The following SYT1 variants were observed in gnomAD, a reference collection of about 807,000 sequenced individuals.
The protein encoded by SYT1 is synaptotagmin 1, also known as synaptotagmin-1.
Under a neutral mutation model 44.8 loss-of-function variants are expected in SYT1, and 8 were observed. That is an observed-to-expected ratio of 0.18 (90% CI 0.10 to 0.32). The LOEUF (loss-of-function observed/expected upper bound fraction) is 0.32. Among genes scored for constraint, SYT1 ranks in the 10% least tolerant of loss-of-function variants. The pLI, the probability that SYT1 is intolerant of heterozygous loss-of-function variation, is 1.00. For missense variants in SYT1, 286 were observed against 509.3 expected (o/e 0.56, Z 4.22); for synonymous variants, 154 against 188.8 (o/e 0.82, Z 1.51).
intron 2 of SYT1, among the ~76,000 whole-genome samples, chr12:79,021,928 T>C (rs543412618): frequency 2.6e-4 from 39 of 151,838 alleles, no homozygotes; most frequent in African/African-American, 9.2e-4. Flanking sequence ...TTCAAATCTA[T>C]TATTTTTGTC....
chr12:79,012,917 C>T (rs866543009), intron 2 of SYT1, among the ~76,000 whole-genome samples: 57 of 152,094 alleles, frequency 3.7e-4, no homozygotes, highest in African/African-American at 4.8e-4. Flanking sequence ...CCAGATGCAT[C>T]CACCCTCTTT....
At chr12:79,014,370 C>T (rs889368241) in intron 2 of SYT1, among the ~76,000 whole-genome samples, 4 of 152,010 alleles carry the variant, frequency 2.6e-5, no homozygotes, top group African/African-American at 9.7e-5. Context: ...TTAACCATTC[C>T]ATATCATGCC....
intron 3 of SYT1, among the ~76,000 whole-genome samples, chr12:79,060,742 A>G (rs555976750): frequency 7.2e-4 from 110 of 152,224 alleles, no homozygotes; most frequent in African/African-American, 2.6e-3. Context: ...AGTTGTCCAA[A>G]ATGAAATCTT....
intron 2 of SYT1, among the ~76,000 whole-genome samples, chr12:79,044,799 G>C (rs892066196): frequency 1.3e-5 from 2 of 149,708 alleles, no homozygotes; most frequent in African/African-American, 4.9e-5. Context: ...TGTACAGATG[G>C]GTTTTTGGTG....
At chr12:79,253,110 T>A (rs930575677) in intron 4 of SYT1, among the ~76,000 whole-genome samples, 3 of 152,122 alleles carry the variant, frequency 2.0e-5, no homozygotes, top group Admixed American at 1.3e-4. Context: ...AAATCTTATA[T>A]CCAACCCTAG....
intron 4 of SYT1, among the ~76,000 whole-genome samples, chr12:79,266,150 T>G (rs1473688608): frequency 6.6e-6 from 1 of 152,196 alleles, no homozygotes; most frequent in African/African-American, 2.4e-5. Context: ...AAACATTTTC[T>G]AAAGACTTAG....
At chr12:79,073,356 A>G (rs976532815) in intron 3 of SYT1, among the ~76,000 whole-genome samples, 3 of 152,162 alleles carry the variant, frequency 2.0e-5, no homozygotes, top group Non-Finnish European at 4.4e-5. Context: ...CCATCAAACC[A>G]TCTTAACAGG....
intron 9 of SYT1, among the ~76,000 whole-genome samples, chr12:79,406,476 G>T (rs551434189): frequency 3.9e-5 from 6 of 152,080 alleles, no homozygotes; most frequent in Non-Finnish European, 7.4e-5. Context: ...AGCCCAAAAG[G>T]GTTTGAAGAG....
At chr12:78,997,458 A>G (rs538796940) in intron 2 of SYT1, among the ~76,000 whole-genome samples, 262 of 152,310 alleles carry the variant, frequency 1.7e-3, no homozygotes, top group African/African-American at 5.7e-3. Context: ...TAGATATTAA[A>G]TAATTATGCC....
Position 78,904,361 on chromosome 12 carries a change from G to T in SYT1, c.-217+39252G>T, listed in dbSNP as rs559540928. On this transcript the variant is annotated intron_variant, in intron 1 of 10. Coordinates refer to ENST00000261205, the MANE Select transcript of SYT1 (RefSeq NM_005639.3). ...TACATTGAAGAGAGACACTATTAAC[G>T]TGTAAAAATATAAAATTTGAATTTT... 2.6e-5 allele frequency among the ~76,000 whole-genome samples: 4 copies of T among 152,066 alleles called. No individual in the cohort carries two copies. In the South Asian group the frequency reaches 8.3e-4, roughly 32 times the overall value.
At chr12:79,350,698 GC>G (rs898980187) in intron 8 of SYT1, among the ~76,000 whole-genome samples, 30 of 152,126 alleles carry the variant, frequency 2.0e-4, no homozygotes, top group African/African-American at 7.2e-4. Flanking sequence ...AAAGAAAGCT[GC>G]CCTAATTTTC....
At chr12:79,293,077 C>T (rs1329556803) in intron 6 of SYT1, among the ~76,000 whole-genome samples, 1 of 151,246 alleles carries the variant, frequency 6.6e-6, no homozygotes, top group African/African-American at 2.4e-5. Flanking sequence ...CTTTGGGAGG[C>T]CAAGGCAGGC....
intron 4 of SYT1, among the ~76,000 whole-genome samples, chr12:79,263,838 A>G (rs974791475): frequency 2.0e-5 from 3 of 152,046 alleles, no homozygotes; most frequent in Non-Finnish European, 2.9e-5. Context: ...AAAAGAAAAC[A>G]TGGGCTCTTA....
intron 2 of SYT1, among the ~76,000 whole-genome samples, chr12:79,021,120 C>T (rs1872161223): frequency 6.6e-6 from 1 of 151,874 alleles, no homozygotes; most frequent in South Asian, 2.1e-4. Flanking sequence ...TGAAGCAAAG[C>T]TCCATTCAGC....
chr12:79,268,608 CA>C (rs1376827372), intron 4 of SYT1, among the ~76,000 whole-genome samples: 1 of 152,218 alleles, frequency 6.6e-6, no homozygotes, highest in Non-Finnish European at 1.5e-5. Flanking sequence ...TGACCCAAGT[CA>C]ATGGCTTGGA....
intron 1 of SYT1, among the ~76,000 whole-genome samples, chr12:78,944,754 TA>T (rs1280720874): frequency 6.6e-6 from 1 of 152,166 alleles, no homozygotes; most frequent in Non-Finnish European, 1.5e-5. Flanking sequence ...ATTATTCCTT[TA>T]AATACAATTT....
chr12:79,144,474 G>C (rs1869753499), intron 3 of SYT1, among the ~76,000 whole-genome samples: 1 of 152,130 alleles, frequency 6.6e-6, no homozygotes, highest in African/African-American at 2.4e-5. Flanking sequence ...AGAGGCTTCT[G>C]ATTTTCTGTG....
At chr12:79,082,014 C>T (rs2137955400) in intron 3 of SYT1, among the ~76,000 whole-genome samples, 1 of 152,122 alleles carries the variant, frequency 6.6e-6, no homozygotes, top group Admixed American at 6.5e-5. Flanking sequence ...GTAGTACATA[C>T]ATTGACATTA....
At chr12:79,388,882 CAT>C (rs1000049957) in intron 9 of SYT1, among the ~76,000 whole-genome samples, 41 of 152,200 alleles carry the variant, frequency 2.7e-4, no homozygotes, top group African/African-American at 7.0e-4. Context: ...TTACATCACA[CAT>C]GAGTCCAGCC....
Sources: gnomAD v4.1 joint callset for allele counts (sites outside exome capture counted in the v4.1 genomes callset) on GRCh38, gnomAD v4.1.1 for gene constraint, MANE v1.5 for transcripts, NCBI Gene and HGNC (gene_info 2026-07-23, HGNC 2026-07-21) for gene names.